FSTL4: variants seen among roughly 807,000 people sequenced by gnomAD.
FSTL4 encodes follistatin-related protein 4.
In FSTL4, 28 loss-of-function variants were observed where a neutral mutation model predicts 78.2. That is an observed-to-expected ratio of 0.36 (90% CI 0.27 to 0.49). FSTL4 has a LOEUF of 0.49. Among genes scored for constraint, FSTL4 ranks in the 20% least tolerant of loss-of-function variants. The pLI is 0.98. For missense variants in FSTL4, 922 were observed against 1,084.9 expected, an observed-to-expected ratio of 0.85 and a Z score of 2.11; for synonymous variants, 422 against 440.5, an observed-to-expected ratio of 0.96 and a Z score of 0.53.
At chr5:133,601,041 C>T (rs1030566711) in intron 2 of FSTL4, among the ~76,000 whole-genome samples, 2 of 152,196 alleles carry the variant, frequency 1.3e-5, no homozygotes, top group Non-Finnish European at 1.5e-5. Flanking sequence ...AACTATAACA[C>T]GCAAGGACTA....
chr5:133,594,999 C>G (rs564265484), intron 2 of FSTL4, among the ~76,000 whole-genome samples: 23 of 152,324 alleles, frequency 1.5e-4, no homozygotes, highest in African/African-American at 5.3e-4. Flanking sequence ...CCCGGAGCCA[C>G]AGACTATTTC....
At chr5:133,727,778 C>A in the FSTL4 span, among the ~76,000 whole-genome samples, 3 of 152,162 alleles carry the variant, frequency 2.0e-5, no homozygotes, top group Admixed American at 6.5e-5. Context: ...CTGAAATAAA[C>A]CCTTGGAACA....
In FSTL4 at chr5:133,579,453, G is replaced by A. The variant is rs149396331; in HGVS notation, c.127-12234C>T. On this transcript the variant is annotated intron_variant, in intron 2 of 15. Coordinates refer to ENST00000265342, the MANE Select transcript of FSTL4 (RefSeq NM_015082.2). ...CTGAGACGCTTCATGTCTACCAGCT[G>A]TCGATCGAACAAGCTTCTTTCCTGC... Among the ~76,000 whole-genome samples the A allele has an allele frequency of 3.1e-4, 47 of 152,314 alleles. 1 individual carries two copies. The highest frequency in any genetic ancestry group is 1.1e-3 in the African/African-American group (44 of 41,560).
intron 2 of FSTL4, among the ~76,000 whole-genome samples, chr5:133,599,873 G>A (rs1474783055): frequency 6.6e-6 from 1 of 152,134 alleles, no homozygotes; most frequent in African/African-American, 2.4e-5. Context: ...GCAGCACCCA[G>A]GCCCCAAAAG....
At chr5:133,430,459 C>T (rs74652059) in intron 3 of FSTL4, among the ~76,000 whole-genome samples, 1,837 of 152,224 alleles carry the variant, frequency 0.012, 30 homozygotes, top group African/African-American at 0.042. Context: ...TCCAATTCAT[C>T]ACTATCATCT....
chr5:133,746,022 T>G, the FSTL4 span, among the ~76,000 whole-genome samples: 10 of 152,258 alleles, frequency 6.6e-5, no homozygotes, highest in Non-Finnish European at 1.3e-4. Context: ...AGGACTCATT[T>G]TCAAAGCCTA....
intron 6 of FSTL4, among the ~76,000 whole-genome samples, chr5:133,310,128 T>G (rs1208885630): frequency 6.6e-6 from 1 of 152,194 alleles, no homozygotes; most frequent in Non-Finnish European, 1.5e-5. Context: ...CCCCATATGC[T>G]CCAAGTGGCT....
intron 8 of FSTL4, among the ~76,000 whole-genome samples, chr5:133,227,519 CAG>C (rs1295416975): frequency 1.3e-5 from 2 of 152,068 alleles, no homozygotes; most frequent in African/African-American, 2.4e-5. Context: ...TTCAGTAACG[CAG>C]AGAGAGAACC....
chr5:133,407,424 AGGTGCTTGTGCACTT>A (rs1756387484), intron 3 of FSTL4, among the ~76,000 whole-genome samples: 1 of 152,244 alleles, frequency 6.6e-6, no homozygotes, highest in Admixed American at 6.5e-5. Flanking sequence ...CTGTATGCTG[AGGTGCTTGTGCACTT>A]GATGAAAGCA....
the FSTL4 span, among the ~76,000 whole-genome samples, chr5:133,689,315 G>A: frequency 6.6e-6 from 1 of 152,130 alleles, no homozygotes; most frequent in African/African-American, 2.4e-5. Context: ...TACTTCTGAG[G>A]CAGGAGGTCC....
chr5:133,536,082 T>C (rs1465642271), intron 3 of FSTL4, among the ~76,000 whole-genome samples: 1 of 152,196 alleles, frequency 6.6e-6, no homozygotes, highest in Admixed American at 6.5e-5. Flanking sequence ...AGCAAGTGAA[T>C]GAATGAATGA....
At chr5:133,780,746 A>G in the FSTL4 span, among the ~76,000 whole-genome samples, 1 of 92,762 alleles carries the variant, frequency 1.1e-5, no homozygotes, top group Non-Finnish European at 2.1e-5. Context: ...GGTAGGTACT[A>G]TTATTATCCT....
chr5:133,513,714 G>A (rs148106493), intron 3 of FSTL4, among the ~76,000 whole-genome samples: 90 of 152,268 alleles, frequency 5.9e-4, no homozygotes, highest in African/African-American at 2.1e-3. Flanking sequence ...GTAAGTACAC[G>A]AGATTTAAAC....
chr5:133,669,730 A>T, the FSTL4 span, among the ~76,000 whole-genome samples: 1 of 152,212 alleles, frequency 6.6e-6, no homozygotes, highest in African/African-American at 2.4e-5. Flanking sequence ...GGAGTCAATA[A>T]TTCTGAGGCT....
intron 6 of FSTL4, among the ~76,000 whole-genome samples, chr5:133,256,690 C>T (rs1406092979): frequency 6.6e-6 from 1 of 152,186 alleles, no homozygotes; most frequent in African/African-American, 2.4e-5. Flanking sequence ...GTTTAGAGCA[C>T]CAGGGTGCAT....
chr5:133,825,551 A>G, the FSTL4 span, among the ~76,000 whole-genome samples: 3 of 152,252 alleles, frequency 2.0e-5, no homozygotes, highest in African/African-American at 7.2e-5. Flanking sequence ...TCAGTAATTC[A>G]AATGACCATT....
the FSTL4 span, among the ~76,000 whole-genome samples, chr5:133,746,536 G>A: frequency 1.9e-3 from 283 of 152,140 alleles, 2 homozygotes; most frequent in African/African-American, 6.2e-3. Flanking sequence ...CCAGAGTGAG[G>A]GGACTCACTC....
intron 3 of FSTL4, among the ~76,000 whole-genome samples, chr5:133,548,135 T>C (rs1759620101): frequency 6.6e-6 from 1 of 152,176 alleles, no homozygotes; most frequent in Admixed American, 6.5e-5. Flanking sequence ...TCTGTGTCAT[T>C]TACAATAAAA....
At chr5:133,334,187 T>C (rs1395381490) in intron 4 of FSTL4, 1 of 152,254 alleles carries the variant, frequency 6.6e-6, no homozygotes, top group Non-Finnish European at 1.5e-5. Flanking sequence ...CTGAATCCAT[T>C]ACCATGACGA....
Sources: allele counts gnomAD v4.1 joint callset (sites outside exome capture counted in the v4.1 genomes callset), GRCh38; gene constraint gnomAD v4.1.1; transcripts MANE v1.5; gene names NCBI Gene and HGNC (gene_info 2026-07-23, HGNC 2026-07-21).